EYS: variants seen among roughly 807,000 people sequenced by gnomAD.
EYS encodes EGF-like photoreceptor maintenance factor, also known as protein eyes shut homolog.
A neutral mutation model predicts 282.1 loss-of-function variants in EYS; 250 were observed. The observed-to-expected ratio is 0.89, with a 90% CI of 0.80 to 0.98. The LOEUF is 0.98. Among genes scored for constraint, EYS ranks in the 50% least tolerant of loss-of-function variants. The pLI is 0.00. For missense variants in EYS, 4,016 were observed against 3,709.0 expected (o/e 1.08, Z -2.15); for synonymous variants, 1,355 against 1,282.9 (o/e 1.06, Z -1.20).
chr6:65,069,094 C>T lies in EYS; in HGVS notation c.2024-11367G>A, dbSNP rs1033509785. On this transcript the variant is annotated intron_variant, in intron 12 of 42. Transcript: ENST00000503581. ...ATTTTTGGTACTCTCTTTTTCTTTCCGAAAATAAATGTGATATTACTCCTA... is the reference window on the plus strand; with the variant it reads ...ATTTTTGGTACTCTCTTTTTCTTTCTGAAAATAAATGTGATATTACTCCTA... Among the ~76,000 whole-genome samples, 14 of 151,872 alleles carry T rather than the reference C, an allele frequency of 9.2e-5. No homozygotes were observed. The South Asian group carries it at 1.2e-3, about 14-fold the overall frequency.
intron 19 of EYS, among the ~76,000 whole-genome samples, chr6:64,826,789 T>C (rs1765074312): frequency 6.6e-6 from 1 of 151,152 alleles, no homozygotes. Flanking sequence ...TTCCCATTTG[T>C]CAGCGTTACA....
intron 26 of EYS, among the ~76,000 whole-genome samples, chr6:64,586,608 A>G (rs1766240909): frequency 6.6e-6 from 1 of 152,096 alleles, no homozygotes; most frequent in East Asian, 1.9e-4. Flanking sequence ...TAAAATGAAC[A>G]CATTTAATAA....
intron 11 of EYS, among the ~76,000 whole-genome samples, chr6:65,324,530 G>A (rs972496076): frequency 9.2e-5 from 14 of 152,190 alleles, no homozygotes; most frequent in Non-Finnish European, 1.6e-4. Flanking sequence ...GCCTTGCTGA[G>A]ATTAGGAAGA....
chr6:65,502,940 G>T (rs906743127), intron 2 of EYS, among the ~76,000 whole-genome samples: 9 of 151,622 alleles, frequency 5.9e-5, no homozygotes, highest in African/African-American at 2.2e-4. Flanking sequence ...TCTTGAGGTA[G>T]TATTTGTCAA....
intron 22 of EYS, among the ~76,000 whole-genome samples, chr6:64,762,397 C>T (rs549892983): frequency 6.6e-6 from 1 of 152,134 alleles, no homozygotes; most frequent in African/African-American, 2.4e-5. Context: ...AGAGTATGAT[C>T]TTAAATCATG....
At chr6:65,373,362 A>T (rs1765234381) in intron 8 of EYS, among the ~76,000 whole-genome samples, 1 of 152,122 alleles carries the variant, frequency 6.6e-6, no homozygotes, top group African/African-American at 2.4e-5. Flanking sequence ...GGGATGGATG[A>T]CATCAAATAC....
At chr6:64,658,289 A>G (rs976105868) in intron 22 of EYS, among the ~76,000 whole-genome samples, 1 of 141,368 alleles carries the variant, frequency 7.1e-6, no homozygotes, top group African/African-American at 2.7e-5. Context: ...CTTCTTTGCC[A>G]TGGGTTCGAA....
intron 29 of EYS, among the ~76,000 whole-genome samples, chr6:64,323,557 C>T (rs370471986): frequency 2.4e-4 from 37 of 152,028 alleles, no homozygotes; most frequent in African/African-American, 8.2e-4. Flanking sequence ...TTTCTTTATA[C>T]ATTTGTGTGA....
intron 22 of EYS, among the ~76,000 whole-genome samples, chr6:64,739,401 G>A (rs1346057025): frequency 6.6e-6 from 1 of 152,144 alleles, no homozygotes; most frequent in Non-Finnish European, 1.5e-5. Context: ...TTATTTTTAT[G>A]AGTTAAACTG....
intron 5 of EYS, among the ~76,000 whole-genome samples, chr6:65,463,943 T>G (rs1439738378): frequency 2.6e-5 from 4 of 152,148 alleles, no homozygotes; most frequent in Admixed American, 2.0e-4. Flanking sequence ...ATAATTTTAA[T>G]ATATTGTGAT....
intron 28 of EYS, among the ~76,000 whole-genome samples, chr6:64,422,026 T>C (rs1490210611): frequency 6.6e-6 from 1 of 151,918 alleles, no homozygotes; most frequent in Non-Finnish European, 1.5e-5. Context: ...GAATCCAGAG[T>C]TGCAGCTAAA....
At chr6:64,946,434 C>A (rs1014062690) in intron 14 of EYS, among the ~76,000 whole-genome samples, 27 of 151,828 alleles carry the variant, frequency 1.8e-4, no homozygotes, top group African/African-American at 5.8e-4. Context: ...GAGAGTTGCC[C>A]TATGACAATG....
chr6:63,978,772 T>C (rs1049381793), intron 35 of EYS, among the ~76,000 whole-genome samples: 1 of 151,988 alleles, frequency 6.6e-6, no homozygotes, highest in Admixed American at 6.6e-5. Flanking sequence ...ACTATTGCAA[T>C]TTCAAATTCA....
At chr6:65,613,235 G>A (rs908870869) in intron 2 of EYS, among the ~76,000 whole-genome samples, 5 of 151,690 alleles carry the variant, frequency 3.3e-5, no homozygotes, top group Non-Finnish European at 5.9e-5. Flanking sequence ...AGAGGTGTCT[G>A]GAATACAATA....
intron 26 of EYS, among the ~76,000 whole-genome samples, chr6:64,573,904 G>A (rs1765801428): frequency 6.6e-6 from 1 of 152,052 alleles, no homozygotes; most frequent in South Asian, 2.1e-4. Context: ...AATACCATTT[G>A]ACCCAGCAAT....
intron 35 of EYS, among the ~76,000 whole-genome samples, chr6:63,877,206 T>C (rs1344119702): frequency 6.6e-6 from 1 of 152,172 alleles, no homozygotes; most frequent in African/African-American, 2.4e-5. Context: ...CTGTAAAGTA[T>C]TTTATTTCTC....
chr6:65,548,819 T>C (rs947681560), intron 2 of EYS, among the ~76,000 whole-genome samples: 3 of 152,186 alleles, frequency 2.0e-5, no homozygotes, highest in Admixed American at 6.5e-5. Context: ...AACTCAAACT[T>C]GCTCAAAGAC....
chr6:64,376,062 T>C (rs568922561), intron 29 of EYS, among the ~76,000 whole-genome samples: 59 of 152,248 alleles, frequency 3.9e-4, no homozygotes, highest in African/African-American at 1.4e-3. Context: ...CCATGGAGAT[T>C]ACAAAGCAAA....
At chr6:65,234,725 G>T (rs996937485) in intron 12 of EYS, among the ~76,000 whole-genome samples, 3 of 152,142 alleles carry the variant, frequency 2.0e-5, no homozygotes, top group Non-Finnish European at 2.9e-5. Context: ...TATTTATATT[G>T]TCAGTTAGCA....
Sources: allele counts gnomAD v4.1 joint callset (sites outside exome capture counted in the v4.1 genomes callset), GRCh38; gene constraint gnomAD v4.1.1; transcripts MANE v1.5; gene names NCBI Gene and HGNC (gene_info 2026-07-23, HGNC 2026-07-21).